ZNF557: variants seen among roughly 807,000 people sequenced by gnomAD.
ZNF557 encodes CTB-25J19.9.
A neutral mutation model predicts 21.2 loss-of-function variants in ZNF557; 19 were observed. The observed-to-expected ratio is 0.90, with a 90% CI of 0.63 to 1.32. The LOEUF (loss-of-function observed/expected upper bound fraction) is 1.32. Ranked by LOEUF, ZNF557 falls within the 40% of genes most tolerant of loss-of-function variation. The pLI, the probability that ZNF557 is intolerant of heterozygous loss-of-function variation, is 0.00. For synonymous variants in ZNF557, 207 were observed against 194.8 expected, an observed-to-expected ratio of 1.06 and a Z score of -0.52; for missense variants, 487 against 519.8, an observed-to-expected ratio of 0.94 and a Z score of 0.61.
Position 7,083,637 on chromosome 19 carries a change from A to C in ZNF557, c.1186A>C (p.Arg396=). 1 of 1,614,094 alleles carries C rather than the reference A, an allele frequency of 6.2e-7. No individual in the cohort carries two copies. Among genetic ancestry groups the C allele is most frequent in the Non-Finnish European group, 8.5e-7 (1 of 1,179,940 alleles). ...NVLSSVKKHM[R]THTGKKPYEC... is the part of the protein sequence containing the mutation. ...TCTCTCATCCGTTAAGAAACACATG[A>C]GAACTCACACTGGAAAAAAACCCTA... The change falls in exon 8 of 8, where the codon AGA becomes CGA. Residue 396 remains arginine, a synonymous_variant. Transcript: ENST00000252840.
At chr19:7,082,247 C>T (rs1159518098) in intron 7 of ZNF557, among the ~76,000 whole-genome samples, 195 bp downstream of exon 7, 2 of 151,764 alleles carry the variant, frequency 1.3e-5, no homozygotes, top group East Asian at 1.9e-4. Context: ...GGTGAAACCC[C>T]ATCTCTACTA....
chr19:7,084,090 G>A lies in ZNF557; in HGVS notation c.*346G>A, dbSNP rs982656726. 3.1e-5 allele frequency: 7 copies of A among 225,270 alleles called. No homozygotes were observed. The highest frequency in any genetic ancestry group is 1.0e-4 in the Admixed American group (2 of 19,186). The allele number at this position is 225,270 out of a possible 1,614,324, so 14.0% of individuals were successfully genotyped here. A position where few individuals can be genotyped will look rare whatever the true frequency, so the allele number is the denominator to read the frequency against. On this transcript the variant is annotated 3_prime_UTR_variant, in exon 8 of 8. Transcript: ENST00000252840. ...CAAGGGAGCTGCGCTTCCAAATCAC[G>A]TAGGCCTCTCAACAGGGCTGAGTTT...
intron 2 of ZNF557, among the ~76,000 whole-genome samples, chr19:7,074,641 G>A (rs976270029): frequency 2.7e-5 from 4 of 150,250 alleles, no homozygotes; most frequent in Admixed American, 6.7e-5. Flanking sequence ...TGGGGAGGAG[G>A]AAATCAACTG....
At chr19:7,081,742 C>G (rs976767032) in intron 6 of ZNF557, among the ~76,000 whole-genome samples, 1 of 152,134 alleles carries the variant, frequency 6.6e-6, no homozygotes, top group Non-Finnish European at 1.5e-5. Flanking sequence ...GTCCACCTTG[C>G]CTTCCTGACA....
intron 5 of ZNF557, among the ~76,000 whole-genome samples, chr19:7,081,148 GGGGTGT>G (rs1213851041): frequency 1.5e-5 from 2 of 136,674 alleles, no homozygotes; most frequent in East Asian, 4.2e-4. Flanking sequence ...TATTGCTTGT[GGGGTGT>G]GTGTGTGTGT....
intron 2 of ZNF557, 34 bp from the exon 3 acceptor site, chr19:7,074,962 G>T: frequency 6.4e-7 from 1 of 1,566,654 alleles, no homozygotes. Flanking sequence ...TGGAGGGGGT[G>T]ACCGAGGCAG....
chr19:7,078,842 CA>C (rs1186928981), intron 5 of ZNF557, among the ~76,000 whole-genome samples: 1 of 152,104 alleles, frequency 6.6e-6, no homozygotes, highest in Non-Finnish European at 1.5e-5. Flanking sequence ...AGGCTCTGTT[CA>C]TTTTTTTCCC....
intron 5 of ZNF557, among the ~76,000 whole-genome samples, chr19:7,077,966 A>G (rs1211835053): frequency 6.6e-6 from 1 of 152,104 alleles, no homozygotes; most frequent in Non-Finnish European, 1.5e-5. Flanking sequence ...AGAAATGTTC[A>G]TTCAAGTGCT....
chr19:7,079,707 G>C (rs945757592), intron 5 of ZNF557, among the ~76,000 whole-genome samples: 2 of 152,082 alleles, frequency 1.3e-5, no homozygotes, highest in African/African-American at 2.4e-5. Flanking sequence ...TGTAACGTCT[G>C]TATTGGTCAT....
chr19:7,074,912 G>A (rs1977551474), intron 2 of ZNF557, 84 bp from the exon 3 acceptor site: 2 of 1,090,110 alleles, frequency 1.8e-6, no homozygotes, highest in African/African-American at 1.7e-5. Flanking sequence ...CCGAGGCAGG[G>A]CACGGGCAGG....
At chr19:7,082,100 C>G (rs776105037) in intron 7 of ZNF557, 48 bp downstream of exon 7, 78 of 1,472,556 alleles carry the variant, frequency 5.3e-5, no homozygotes, top group Admixed American at 1.4e-4. Flanking sequence ...GTAGAATGCC[C>G]TACATGAGAA....
intron 2 of ZNF557, among the ~76,000 whole-genome samples, chr19:7,072,440 A>G (rs1188352256): frequency 3.3e-5 from 5 of 152,164 alleles, no homozygotes; most frequent in African/African-American, 1.2e-4. Context: ...ATACATAAAG[A>G]TAAATTTGCT....
intron 5 of ZNF557, among the ~76,000 whole-genome samples, chr19:7,077,571 C>A (rs1322383861): frequency 6.6e-6 from 1 of 152,154 alleles, no homozygotes; most frequent in Non-Finnish European, 1.5e-5. Flanking sequence ...AGCCTGTTCT[C>A]ATCTTTTGGC....
chr19:7,084,175 T>A lies in ZNF557; in HGVS notation c.*431T>A, dbSNP rs775194174. The A allele has an allele frequency of 1.5e-4, 26 of 175,752 alleles. No individual in the cohort carries two copies. The highest frequency in any genetic ancestry group is 4.4e-4 in the Admixed American group (8 of 18,284). The allele number at this position is 175,752 out of a possible 1,614,324, so 10.9% of individuals were successfully genotyped here. A position where few individuals can be genotyped will look rare whatever the true frequency, so the allele number is the denominator to read the frequency against. On this transcript the variant is annotated 3_prime_UTR_variant, in exon 8 of 8. Transcript: ENST00000252840. ...TCTAAAGGAGCCAACACAGAAAGCA[T>A]AATGTCTTTTATGACCTAGCTTCAG...
intron 5 of ZNF557, among the ~76,000 whole-genome samples, chr19:7,081,093 C>T (rs57658145): frequency 0.02 from 3,046 of 151,614 alleles, 34 homozygotes; most frequent in African/African-American, 0.031. Context: ...GTATTTAAAC[C>T]TGGACAGGGG....
intron 6 of ZNF557, 151 bp downstream of exon 6, chr19:7,081,606 C>T: frequency 1.6e-6 from 1 of 623,070 alleles, no homozygotes; most frequent in Non-Finnish European, 2.8e-6. Context: ...TGGTCTGAGC[C>T]CCCTCATGTA....
intron 7 of ZNF557, 88 bp from the exon 8 acceptor site, chr19:7,082,790 C>A: frequency 7.3e-7 from 1 of 1,363,956 alleles, no homozygotes; most frequent in Non-Finnish European, 9.9e-7. Context: ...TGATACACAA[C>A]AGAATTCCTG....
Position 7,081,409 on chromosome 19 carries a change from T to C in ZNF557, c.297T>C (p.Asp99=), listed in dbSNP as rs1568409475. Residue 99 remains aspartate, a synonymous_variant, in exon 6 of 8, where the codon GAT becomes GAC. Transcript: ENST00000252840. ...TGATCTCCCAGCTGGAGCAAGAAGA[T>C]AAAGTGATGACAGAAGAGAGAGGAA... ...PRLISQLEQE[D]KVMTEERGIL... The C allele has an allele frequency of 2.5e-6, 4 of 1,613,914 alleles. No individual in the cohort carries two copies. The highest frequency in any genetic ancestry group is 1.7e-5 in the Admixed American group (1 of 59,988).
Position 7,074,555 on chromosome 19 carries a change from C to T in ZNF557, c.-79-441C>T, listed in dbSNP as rs921105306. ...CATTTGTGTATCTTACAGATCGATTCTTAGAAGTTGCAGGAACCTAGGGTC... is the reference window on the plus strand; with the variant it reads ...CATTTGTGTATCTTACAGATCGATTTTTAGAAGTTGCAGGAACCTAGGGTC... On this transcript the variant is annotated intron_variant, in intron 2 of 7. Coordinates refer to ENST00000252840, the MANE Select transcript of ZNF557 (RefSeq NM_024341.3). Among the ~76,000 whole-genome samples, 22 of 150,404 alleles carry T rather than the reference C, an allele frequency of 1.5e-4. No individual in the cohort carries two copies. The South Asian group carries it at 2.9e-3, about 20-fold the overall frequency.
Sources: allele counts gnomAD v4.1 joint callset (sites outside exome capture counted in the v4.1 genomes callset), GRCh38; gene constraint gnomAD v4.1.1; transcripts MANE v1.5; gene names NCBI Gene and HGNC (gene_info 2026-07-23, HGNC 2026-07-21).